PTPRR: variants seen among roughly 807,000 people sequenced by gnomAD.
PTPRR encodes the protein receptor-type tyrosine-protein phosphatase R.
PTPRR carries 38 observed loss-of-function variants against 77.2 expected under a neutral mutation model. That is an observed-to-expected ratio of 0.49 (90% CI 0.38 to 0.65). The LOEUF is 0.65. Among genes scored for constraint, PTPRR ranks in the 30% least tolerant of loss-of-function variants. PTPRR has a pLI of 0.00. For missense variants in PTPRR, 744 were observed against 799.2 expected (o/e 0.93, Z 0.83); for synonymous variants, 299 against 283.1 (o/e 1.06, Z -0.57).
chr12:70,697,711 A>C (rs1031066172), intron 8 of PTPRR, among the ~76,000 whole-genome samples: 1 of 138,172 alleles, frequency 7.2e-6, no homozygotes, highest in Admixed American at 7.2e-5. Flanking sequence ...TCTCTGGTCC[A>C]TTTTGAGTCA....
intron 1 of PTPRR, among the ~76,000 whole-genome samples, chr12:70,908,272 T>A (rs560029790): frequency 1.4e-4 from 21 of 152,240 alleles, no homozygotes; most frequent in African/African-American, 5.1e-4. Context: ...CATTAATGCT[T>A]ATATATTAGG....
rs1376257307 is a variant in PTPRR, at chr12:70,685,937, G to A, written c.1280-1154C>T. 3.9e-5 allele frequency among the ~76,000 whole-genome samples: 6 copies of A among 152,194 alleles called. No individual in the cohort carries two copies. The East Asian group carries it at 1.2e-3, about 29-fold the overall frequency. The stretch of plus-strand genomic sequence containing the variant: ...GCCAAGAAGTAGGTAATGGAGTCAG[G>A]CTTTGAATCCACACGAACACTAGGG... On this transcript the variant is annotated intron_variant, in intron 8 of 13. Coordinates refer to ENST00000283228, the MANE Select transcript of PTPRR (RefSeq NM_002849.4).
chr12:70,724,342 G>T (rs1298222961), intron 6 of PTPRR, among the ~76,000 whole-genome samples: 2 of 152,116 alleles, frequency 1.3e-5, no homozygotes, highest in African/African-American at 4.8e-5. Context: ...GTCACCTTGG[G>T]CAACTTAACC....
At chr12:70,888,029 T>G (rs1673456288) in intron 2 of PTPRR, among the ~76,000 whole-genome samples, 2 of 151,658 alleles carry the variant, frequency 1.3e-5, no homozygotes, top group Non-Finnish European at 2.9e-5. Flanking sequence ...TGTGTGTGTG[T>G]GGGTGTGTGT....
intron 2 of PTPRR, among the ~76,000 whole-genome samples, chr12:70,788,184 T>G (rs749091993): frequency 2.6e-5 from 4 of 152,140 alleles, no homozygotes; most frequent in Non-Finnish European, 5.9e-5. Context: ...AGGTTCTTGG[T>G]TTACTGATAA....
chr12:70,770,542 A>C (rs938211497), intron 2 of PTPRR, among the ~76,000 whole-genome samples: 2 of 152,226 alleles, frequency 1.3e-5, no homozygotes, highest in African/African-American at 4.8e-5. Context: ...AGAAATAGGA[A>C]CACTTTTATA....
At chr12:70,794,332 A>T (rs919016257) in intron 2 of PTPRR, among the ~76,000 whole-genome samples, 5 of 152,226 alleles carry the variant, frequency 3.3e-5, no homozygotes, top group Middle Eastern at 3.2e-3. Flanking sequence ...CAGAAGGCCT[A>T]TGAGCTAGAA....
chr12:70,739,287 T>C (rs1264558566), intron 6 of PTPRR, among the ~76,000 whole-genome samples: 1 of 152,182 alleles, frequency 6.6e-6, no homozygotes. Flanking sequence ...CCATTTTGTA[T>C]TGATTGTTAA....
chr12:70,841,562 AAT>A (rs1355961306), intron 2 of PTPRR, among the ~76,000 whole-genome samples: 7 of 152,182 alleles, frequency 4.6e-5, no homozygotes, highest in African/African-American at 1.4e-4. Context: ...GATTGCACAC[AAT>A]ATGTTTAATA....
At chr12:70,890,728 T>C (rs1893320831) in intron 2 of PTPRR, among the ~76,000 whole-genome samples, 1 of 152,086 alleles carries the variant, frequency 6.6e-6, no homozygotes, top group Non-Finnish European at 1.5e-5. Flanking sequence ...AACAAGAAGG[T>C]CTGCATTGAT....
At chr12:70,796,519 A>C (rs1891517282) in intron 2 of PTPRR, among the ~76,000 whole-genome samples, 1 of 152,206 alleles carries the variant, frequency 6.6e-6, no homozygotes, top group Non-Finnish European at 1.5e-5. Context: ...TAATCATGGA[A>C]GCTAAGGAAA....
At chr12:70,677,740 A>C (rs1342897537) in intron 10 of PTPRR, among the ~76,000 whole-genome samples, 1 of 152,212 alleles carries the variant, frequency 6.6e-6, no homozygotes, top group Non-Finnish European at 1.5e-5. Context: ...CCATTCTTGC[A>C]TCCCTGGGAT....
At chr12:70,885,377 C>T (rs1004853918) in intron 2 of PTPRR, among the ~76,000 whole-genome samples, 4 of 151,998 alleles carry the variant, frequency 2.6e-5, no homozygotes, top group African/African-American at 4.8e-5. Flanking sequence ...TGATACTTAA[C>T]GACTTGGAAA....
At chr12:70,733,476 AAAAAAG>A (rs1320475093) in intron 6 of PTPRR, among the ~76,000 whole-genome samples, 26 of 84,350 alleles carry the variant, frequency 3.1e-4, no homozygotes, top group African/African-American at 1.3e-3. Context: ...ATGGCAAAAA[AAAAAAG>A]AAAAAAAAAG....
chr12:70,760,651 C>T (rs1351020580), intron 4 of PTPRR, among the ~76,000 whole-genome samples: 1 of 152,150 alleles, frequency 6.6e-6, no homozygotes. Flanking sequence ...AAAAAGACAC[C>T]TAGATCTTAG....
rs371003902 is a variant in PTPRR at position 70,814,788 on chromosome 12, T to C, written c.358-50010A>G. Among the ~76,000 whole-genome samples the C allele has an allele frequency of 7.2e-5, 11 of 152,334 alleles. No individual in the cohort carries two copies. The East Asian group carries it at 1.2e-3, about 16-fold the overall frequency. ...TCTGGTTCCACCTAGCAAAGTTTAA[T>C]GTAAGTCTCAAAAGAATTAAACTGG... On this transcript the variant is annotated intron_variant, in intron 2 of 13. Coordinates refer to ENST00000283228, the MANE Select transcript of PTPRR (RefSeq NM_002849.4).
intron 2 of PTPRR, among the ~76,000 whole-genome samples, chr12:70,880,089 T>C (rs1258898843): frequency 6.6e-6 from 1 of 152,206 alleles, no homozygotes; most frequent in Non-Finnish European, 1.5e-5. Flanking sequence ...CAAGTTTTCT[T>C]GGTACTGAGG....
At chr12:70,893,137 A>T (rs1460110338) in intron 1 of PTPRR, among the ~76,000 whole-genome samples, 160 bp from the exon 2 acceptor site, 2 of 151,930 alleles carry the variant, frequency 1.3e-5, no homozygotes, top group Non-Finnish European at 2.9e-5. Context: ...GATCCTCAAC[A>T]AATAGTATAC....
intron 2 of PTPRR, among the ~76,000 whole-genome samples, chr12:70,771,316 T>A (rs1172490338): frequency 1.3e-5 from 2 of 152,154 alleles, no homozygotes; most frequent in Non-Finnish European, 2.9e-5. Flanking sequence ...ATATACTGCA[T>A]GTTCTCACTT....
Sources: allele counts gnomAD v4.1 joint callset (sites outside exome capture counted in the v4.1 genomes callset), GRCh38; gene constraint gnomAD v4.1.1; transcripts MANE v1.5; gene names NCBI Gene and HGNC (gene_info 2026-07-23, HGNC 2026-07-21).